Variants in GRID1 observed in about 807,000 individuals in gnomAD.
GRID1 encodes the protein glutamate receptor ionotropic, delta-1.
A neutral mutation model predicts 98.0 loss-of-function variants in GRID1; 28 were observed. That is an observed-to-expected ratio of 0.29 (90% CI 0.21 to 0.39). The LOEUF (loss-of-function observed/expected upper bound fraction) is 0.39, where lower values mean the gene tolerates loss of function less well. GRID1 is among the 10% of genes least tolerant of loss of function. GRID1 has a pLI of 1.00. For synonymous variants in GRID1, 553 were observed against 538.5 expected (o/e 1.03, Z -0.37); for missense variants, 1,111 against 1,340.5 (o/e 0.83, Z 2.67).
At chr10:86,205,213 T>A (rs1846008891) in intron 3 of GRID1, among the ~76,000 whole-genome samples, 1 of 152,244 alleles carries the variant, frequency 6.6e-6, no homozygotes, top group African/African-American at 2.4e-5. Flanking sequence ...TGATTTCTTT[T>A]CTTAGTTACA....
At chr10:86,338,156 C>G (rs1364494142) in intron 2 of GRID1, among the ~76,000 whole-genome samples, 1 of 152,248 alleles carries the variant, frequency 6.6e-6, no homozygotes, top group East Asian at 1.9e-4. Context: ...ACTCCCATCC[C>G]TGGTAACACT....
chr10:85,892,092 C>A (rs1019386212), intron 5 of GRID1, among the ~76,000 whole-genome samples: 22 of 150,870 alleles, frequency 1.5e-4, no homozygotes, highest in African/African-American at 4.1e-4. Flanking sequence ...ATATGTAATG[C>A]CTGAGATGAA....
chr10:86,084,565 CAA>C (rs1844024111), intron 4 of GRID1, among the ~76,000 whole-genome samples: 1 of 152,136 alleles, frequency 6.6e-6, no homozygotes, highest in African/African-American at 2.4e-5. Flanking sequence ...AGCAGGGTCT[CAA>C]AGAGATACTT....
intron 2 of GRID1, among the ~76,000 whole-genome samples, chr10:86,318,551 GC>G (rs1451516972): frequency 6.6e-6 from 1 of 152,184 alleles, no homozygotes; most frequent in African/African-American, 2.4e-5. Flanking sequence ...TCCTGGGGAT[GC>G]CCCAGGGCCT....
At chr10:85,909,138 T>G (rs897088377) in intron 5 of GRID1, among the ~76,000 whole-genome samples, 1 of 152,160 alleles carries the variant, frequency 6.6e-6, no homozygotes, top group Admixed American at 6.5e-5. Flanking sequence ...AAACAGATAC[T>G]TTGCCAAGAA....
chr10:85,852,344 G>C (rs1020835722), intron 8 of GRID1, among the ~76,000 whole-genome samples: 11 of 152,216 alleles, frequency 7.2e-5, no homozygotes, highest in Non-Finnish European at 1.6e-4. Context: ...ACTGGCTTCA[G>C]GGTTTTTGAG....
intron 4 of GRID1, among the ~76,000 whole-genome samples, chr10:86,062,426 A>C (rs1262709796): frequency 6.6e-6 from 1 of 152,112 alleles, no homozygotes; most frequent in Non-Finnish European, 1.5e-5. Flanking sequence ...GGTCCCACTC[A>C]GATTCGCTTC....
At chr10:85,834,007 C>T (rs578215548) in intron 8 of GRID1, among the ~76,000 whole-genome samples, 10 of 152,200 alleles carry the variant, frequency 6.6e-5, no homozygotes, top group South Asian at 6.2e-4. Flanking sequence ...AGAGATCCAA[C>T]GCCAACATTA....
At chr10:85,701,900 A>C (rs1841455859) in intron 12 of GRID1, among the ~76,000 whole-genome samples, 1 of 152,112 alleles carries the variant, frequency 6.6e-6, no homozygotes, top group South Asian at 2.1e-4. Context: ...CCAAAATCTC[A>C]CTAATCACCA....
chr10:85,817,947 C>T (rs1247139847), intron 8 of GRID1, among the ~76,000 whole-genome samples: 1 of 152,112 alleles, frequency 6.6e-6, no homozygotes, highest in East Asian at 1.9e-4. Flanking sequence ...TCACTGAAGG[C>T]AGTGGGGGAA....
At position 85,766,730 on chromosome 10, in the gene GRID1, TTGTGTGTGTGTGTG is replaced by T. The variant is rs35691322; in HGVS notation, c.1234-37130_1234-37117del. ...ATGGAACTGTGTGAAAGGCAGATGA[TTGTGTGTGTGTGTG>T]TGTGTGTGTGTGTGTGTGTGTGTGT... On this transcript the variant is annotated intron_variant, in intron 8 of 15. Transcript: ENST00000327946. 8.7e-5 allele frequency among the ~76,000 whole-genome samples: 12 copies of T among 138,438 alleles called. No homozygotes were observed. The East Asian group carries it at 1.1e-3, about 13-fold the overall frequency. 90.8% of individuals were successfully genotyped at this position (138,438 alleles called of 152,430 possible).
intron 2 of GRID1, among the ~76,000 whole-genome samples, chr10:86,313,817 C>T (rs371342504): frequency 9.8e-5 from 15 of 152,330 alleles, no homozygotes; most frequent in Admixed American, 7.2e-4. Context: ...GACTGGCGCT[C>T]CTGGTGGCTG....
chr10:85,729,711 A>G lies in GRID1; in HGVS notation c.1234-97T>C, dbSNP rs181387779. 8.1e-4 allele frequency: 577 copies of G among 711,670 alleles called. 2 individuals carry two copies. The highest frequency in any genetic ancestry group is 1.3e-4 in the Non-Finnish European group (53 of 404,718). 44.1% of individuals were successfully genotyped at this position (711,670 alleles called of 1,614,324 possible). On this transcript the variant is annotated intron_variant, in intron 8 of 15. Coordinates refer to ENST00000327946, the MANE Select transcript of GRID1 (RefSeq NM_017551.3). ...CACTGGGATCCTGAATTAGGCAGGTAGGTGAACAGTAGTCCCCTGGAGTTC... is the reference window on the plus strand; with the variant it reads ...CACTGGGATCCTGAATTAGGCAGGTGGGTGAACAGTAGTCCCCTGGAGTTC...
chr10:85,934,564 G>A (rs1326924697), intron 4 of GRID1, among the ~76,000 whole-genome samples: 1 of 152,026 alleles, frequency 6.6e-6, no homozygotes, highest in Non-Finnish European at 1.5e-5. Flanking sequence ...TTAGTGCTCT[G>A]GGACAAAAAT....
intron 2 of GRID1, among the ~76,000 whole-genome samples, chr10:86,285,619 G>A (rs764010896): frequency 6.6e-6 from 1 of 152,176 alleles, no homozygotes; most frequent in Admixed American, 6.5e-5. Context: ...CCCACACAGG[G>A]CTTCCAGGAT....
chr10:86,314,157 C>A (rs998386606), intron 2 of GRID1, among the ~76,000 whole-genome samples: 1 of 152,200 alleles, frequency 6.6e-6, no homozygotes, highest in African/African-American at 2.4e-5. Flanking sequence ...GCTTCCAGCT[C>A]TTCACTCCTG....
At chr10:85,672,145 T>C (rs973035132) in intron 12 of GRID1, among the ~76,000 whole-genome samples, 1 of 152,222 alleles carries the variant, frequency 6.6e-6, no homozygotes, top group African/African-American at 2.4e-5. Context: ...CAATTTTCAG[T>C]GTAGATGCAA....
At chr10:85,635,755 G>C (rs771531756) in intron 13 of GRID1, among the ~76,000 whole-genome samples, 1 of 152,168 alleles carries the variant, frequency 6.6e-6, no homozygotes, top group African/African-American at 2.4e-5. Context: ...AAGGGGAAAG[G>C]GAAAGCCCAG....
intron 8 of GRID1, among the ~76,000 whole-genome samples, chr10:85,832,435 G>GAA (rs1842874686): frequency 6.6e-6 from 1 of 152,028 alleles, no homozygotes; most frequent in Admixed American, 6.6e-5. Flanking sequence ...CAAAATGTTA[G>GAA]AAAATCAAAT....
Sources: allele counts gnomAD v4.1 joint callset (sites outside exome capture counted in the v4.1 genomes callset), GRCh38; gene constraint gnomAD v4.1.1; transcripts MANE v1.5; gene names NCBI Gene and HGNC (gene_info 2026-07-23, HGNC 2026-07-21).